SSPN: variants seen among roughly 807,000 people sequenced by gnomAD.
The protein encoded by SSPN is sarcospan, also known as K-ras oncogene-associated protein.
In SSPN, 15 loss-of-function variants were observed where a neutral mutation model predicts 19.1. That is an observed-to-expected ratio of 0.78 (90% confidence interval 0.52 to 1.21). The LOEUF (loss-of-function observed/expected upper bound fraction) is 1.21. SSPN is among the 50% of genes most tolerant of loss of function. The pLI is 0.00. For synonymous variants in SSPN, 147 were observed against 140.3 expected (o/e 1.05, Z -0.34); for missense variants, 291 against 314.0 (o/e 0.93, Z 0.55).
Position 26,122,344 on chromosome 12 carries a change from C to T in SSPN, c.-31+192C>T, listed in dbSNP as rs765117312. 1.7e-5 allele frequency: 20 copies of T among 1,174,070 alleles called. No individual in the cohort carries two copies. Among genetic ancestry groups the T allele is most frequent in the Middle Eastern group, 6.8e-4 (2 of 2,944 alleles). 72.7% of individuals were successfully genotyped at this position (1,174,070 alleles called of 1,614,324 possible). A position where few individuals can be genotyped will look rare whatever the true frequency, so the allele number is the denominator to read the frequency against. ...GCGGCTGCCGCCGGGGCGGGGATGC[C>T]GGGGTATAGCAGCGGGAACGGGGCG... On this transcript the variant is annotated intron_variant, in intron 1 of 2. Coordinates refer to the SSPN transcript ENST00000538142.
intron 1 of SSPN, among the ~76,000 whole-genome samples, chr12:26,162,805 T>A (rs988798879): frequency 2.6e-5 from 4 of 152,158 alleles, no homozygotes; most frequent in East Asian, 1.9e-4. Context: ...GGAGTAAAAT[T>A]TTCATGACAG....
At chr12:26,169,593 A>ATTT (rs558232172) in intron 1 of SSPN, among the ~76,000 whole-genome samples, 145 of 120,688 alleles carry the variant, frequency 1.2e-3, no homozygotes, top group African/African-American at 3.6e-3. Context: ...ATATATATAT[A>ATTT]TTTTTTTTTC....
chr12:26,210,759 A>G (rs1319479220), intron 1 of SSPN, among the ~76,000 whole-genome samples: 1 of 152,104 alleles, frequency 6.6e-6, no homozygotes, highest in East Asian at 1.9e-4. Context: ...GCTACGTTTT[A>G]TCCAGCATTT....
intron 1 of SSPN, among the ~76,000 whole-genome samples, chr12:26,159,038 G>A (rs1944572378): frequency 6.6e-6 from 1 of 152,248 alleles, no homozygotes; most frequent in South Asian, 2.1e-4. Flanking sequence ...CATGGGCACA[G>A]CAGCCATGTG....
chr12:26,176,522 T>G (rs956432525), intron 1 of SSPN, among the ~76,000 whole-genome samples: 4 of 152,226 alleles, frequency 2.6e-5, no homozygotes, highest in Non-Finnish European at 5.9e-5. Context: ...CTAGACTTGC[T>G]TATGCCTTTT....
At chr12:26,166,948 G>A (rs902398626) in intron 1 of SSPN, among the ~76,000 whole-genome samples, 1 of 152,156 alleles carries the variant, frequency 6.6e-6, no homozygotes, top group Admixed American at 6.5e-5. Context: ...AACATTAAAG[G>A]TTTTCCAACT....
chr12:26,150,126 G>A (rs1452062303), intron 1 of SSPN, among the ~76,000 whole-genome samples: 2 of 152,146 alleles, frequency 1.3e-5, no homozygotes, highest in Non-Finnish European at 1.5e-5. Context: ...TGTTGATTGT[G>A]TCAGGAAGTG....
At chr12:26,172,903 A>G (rs952049994) in intron 1 of SSPN, among the ~76,000 whole-genome samples, 3 of 151,814 alleles carry the variant, frequency 2.0e-5, no homozygotes, top group Non-Finnish European at 4.4e-5. Flanking sequence ...TATTGTTCCA[A>G]TCTCCTATGT....
upstream of SSPN, among the ~76,000 whole-genome samples, chr12:26,193,832 T>C (rs1462649508): frequency 1.3e-5 from 2 of 152,248 alleles, no homozygotes; most frequent in African/African-American, 4.8e-5. Context: ...AACCATTATT[T>C]TTCTCACTGG....
At chr12:26,159,889 G>T (rs1349528314) in intron 1 of SSPN, among the ~76,000 whole-genome samples, 1 of 152,222 alleles carries the variant, frequency 6.6e-6, no homozygotes, top group African/African-American at 2.4e-5. Context: ...CATTGAATGG[G>T]TAAATGAATG....
At chr12:26,156,395 T>TG (rs1338661091) in intron 1 of SSPN, among the ~76,000 whole-genome samples, 26 of 151,924 alleles carry the variant, frequency 1.7e-4, no homozygotes, top group African/African-American at 5.8e-4. Flanking sequence ...CCTCGAATGG[T>TG]GGGGTAAAGA....
At chr12:26,224,854 T>C (rs975835397) in intron 2 of SSPN, among the ~76,000 whole-genome samples, 5 of 152,126 alleles carry the variant, frequency 3.3e-5, no homozygotes, top group African/African-American at 1.2e-4. Context: ...GGACGGGTGA[T>C]GGGATATGCG....
At chr12:26,151,075 G>A (rs920637878) in intron 1 of SSPN, among the ~76,000 whole-genome samples, 2 of 152,104 alleles carry the variant, frequency 1.3e-5, no homozygotes, top group African/African-American at 4.8e-5. Context: ...ATTTTGGTGG[G>A]ATTTTCGGGT....
In SSPN at chr12:26,195,735, C is replaced by G. The variant is rs200655450; in HGVS notation, c.63C>G (p.Ala21=). Residue 21 remains alanine, a synonymous_variant, in exon 1 of 3, where the codon GCC becomes GCG. Transcript: ENST00000242729. The stretch of plus-strand genomic sequence containing the variant: ...AGGGGGGCCCGCCGGCCGCGGACGC[C>G]GCTGGGCCCGACGACATGGAGCCGA... ...QRQGGPPAAD[A]AGPDDMEPKK... 7.5e-3 allele frequency: 11,046 copies of G among 1,473,114 alleles called. 54 individuals are homozygous for G. The highest frequency in any genetic ancestry group is 8.6e-3 in the Non-Finnish European group (9,636 of 1,117,668). 91.3% of individuals were successfully genotyped at this position (1,473,114 alleles called of 1,614,324 possible). A position where few individuals can be genotyped will look rare whatever the true frequency, so the allele number is the denominator to read the frequency against.
At chr12:26,123,918 G>GC (rs2137388858) in intron 1 of SSPN, 1 of 740,614 alleles carries the variant, frequency 1.4e-6, no homozygotes, top group South Asian at 1.5e-5. Context: ...TCAGCTGGGA[G>GC]CACCTACTCC....
chr12:26,148,922 A>C (rs1221183972), intron 1 of SSPN, among the ~76,000 whole-genome samples: 3 of 152,024 alleles, frequency 2.0e-5, no homozygotes, highest in Non-Finnish European at 2.9e-5. Flanking sequence ...CAACCTCCCC[A>C]CGGCACACAC....
At chr12:26,223,863 C>T (rs888069232) in intron 1 of SSPN, among the ~76,000 whole-genome samples, 8 of 152,180 alleles carry the variant, frequency 5.3e-5, no homozygotes, top group African/African-American at 1.9e-4. Context: ...AAATCCGTGT[C>T]GTAATGGAAG....
chr12:26,219,395 C>A (rs1389712357), intron 1 of SSPN, among the ~76,000 whole-genome samples: 2 of 151,946 alleles, frequency 1.3e-5, no homozygotes, highest in East Asian at 3.8e-4. Context: ...ATAATACAAA[C>A]CCTCAAAAGA....
chr12:26,144,202 C>G (rs947038916), intron 1 of SSPN, among the ~76,000 whole-genome samples: 1 of 152,148 alleles, frequency 6.6e-6, no homozygotes, highest in Non-Finnish European at 1.5e-5. Context: ...TGGGGACTGC[C>G]GCCTTAAAAC....
Sources: gnomAD v4.1 joint callset for allele counts (sites outside exome capture counted in the v4.1 genomes callset) on GRCh38, gnomAD v4.1.1 for gene constraint, MANE v1.5 for transcripts, NCBI Gene and HGNC (gene_info 2026-07-23, HGNC 2026-07-21) for gene names.